The following MGAM variants were observed in gnomAD, a reference collection of about 807,000 sequenced individuals.
MGAM encodes alpha-1,4-glucosidase.
MGAM carries 253 observed loss-of-function variants against 358.8 expected under a neutral mutation model. That is an observed-to-expected ratio of 0.71 (90% CI 0.64 to 0.78). The LOEUF (loss-of-function observed/expected upper bound fraction) is 0.78, where lower values mean the gene tolerates loss of function less well. Among genes scored for constraint, MGAM ranks in the 30% least tolerant of loss-of-function variants. MGAM has a pLI of 0.00. For missense variants in MGAM, 3,080 were observed against 3,432.6 expected (o/e 0.90, Z 2.57); for synonymous variants, 1,105 against 1,227.1 (o/e 0.90, Z 2.08).
chr7:142,022,381 G>C lies in MGAM; in HGVS notation c.824G>C (p.Arg275Pro), dbSNP rs1272804758. 4 of 1,613,630 alleles carry C rather than the reference G, an allele frequency of 2.5e-6. No homozygotes were observed. The East Asian group carries it at 8.9e-5, about 36-fold the overall frequency. ...GGAGAGCATGTGCACCAGCAGTATCGGCATGATATGAATTGGAAGACCTGG... is the reference window on the plus strand; with the variant it reads ...GGAGAGCATGTGCACCAGCAGTATCCGCATGATATGAATTGGAAGACCTGG... Reference protein sequence around the residue: ...GLGEHVHQQYRHDMNWKTWPI... With the variant: ...GLGEHVHQQYPHDMNWKTWPI... The change falls in exon 7 of 71, where the codon CGG becomes CCG. Residue 275 changes from arginine (R) to proline (P), a missense_variant. Arg to Pro is a moderately radical substitution (Grantham distance 103). Transcript: ENST00000475668.
At position 142,037,124 on chromosome 7, in the gene MGAM, C is replaced by A. The variant is rs1808063762; in HGVS notation, c.2231+147C>A. Reference sequence around the variant, plus strand: ...TATCTGTAATCTAGCTATCTATATTCATTAATCTATCTATCTATCTATCTA... The same window carrying A: ...TATCTGTAATCTAGCTATCTATATTAATTAATCTATCTATCTATCTATCTA... On this transcript the variant is annotated intron_variant, in intron 18 of 70. Coordinates refer to ENST00000475668, the MANE Select transcript of MGAM (RefSeq NM_001365693.1). 70 of 840,084 alleles carry A rather than the reference C, an allele frequency of 8.3e-5. 3 individuals carry two copies. In the South Asian group the frequency reaches 1.2e-3, roughly 15 times the overall value. The allele number at this position is 840,084 out of a possible 1,614,324, so 52.0% of individuals were successfully genotyped here.
In MGAM at chr7:142,044,418, T is replaced by C. The variant is rs186318386; in HGVS notation, c.2499-3367T>C. Among the ~76,000 whole-genome samples the C allele has an allele frequency of 5.6e-3, 775 of 138,674 alleles. 46 individuals carry two copies. The highest frequency in any genetic ancestry group is 0.019 in the African/African-American group (725 of 38,526). 91.0% of individuals were successfully genotyped at this position (138,674 alleles called of 152,430 possible). A position where few individuals can be genotyped will look rare whatever the true frequency, so the allele number is the denominator to read the frequency against. On this transcript the variant is annotated intron_variant, in intron 21 of 70. Transcript: ENST00000475668. The stretch of plus-strand genomic sequence containing the variant: ...ACGATATATGATATATAATGAATAT[T>C]ATATACACATACGATATATATAATG...
At chr7:142,016,352 T>G (rs1805971023) in intron 3 of MGAM, among the ~76,000 whole-genome samples, 1 of 152,256 alleles carries the variant, frequency 6.6e-6, no homozygotes, top group Admixed American at 6.5e-5. Flanking sequence ...CCATCCTTTA[T>G]GTACATTATC....
intron 1 of MGAM, among the ~76,000 whole-genome samples, chr7:142,000,429 A>C (rs1464999847): frequency 6.6e-6 from 1 of 152,168 alleles, no homozygotes; most frequent in Non-Finnish European, 1.5e-5. Context: ...GCAAGGAGGA[A>C]GCTGTAATGC....
At chr7:141,995,845 TGG>T (rs1186375469), upstream of MGAM, 1 of 152,232 alleles carries the variant, frequency 6.6e-6, no homozygotes, top group Admixed American at 6.5e-5. Flanking sequence ...ACCAGATCTT[TGG>T]TTGCTTTGGT....
Position 142,093,561 on chromosome 7 carries a change from G to A in MGAM, c.7172+11G>A, listed in dbSNP as rs748814680. 6.7e-7 allele frequency: 1 copy of A among 1,495,776 alleles called. No individual in the cohort carries two copies. Among genetic ancestry groups the A allele is most frequent in the African/African-American group, 1.4e-5 (1 of 72,922 alleles). The allele number at this position is 1,495,776 out of a possible 1,614,324, so 92.7% of individuals were successfully genotyped here. On this transcript the variant is annotated intron_variant, in intron 60 of 70. Coordinates refer to ENST00000475668, the MANE Select transcript of MGAM (RefSeq NM_001365693.1). The stretch of plus-strand genomic sequence containing the variant: ...CAGACCCACATACGAGTGAGTCTCT[G>A]TCTCCCTTCTCCAGCTGTCACAACC...
intron 1 of MGAM, among the ~76,000 whole-genome samples, chr7:142,003,608 T>C (rs1157221528): frequency 2.0e-5 from 3 of 151,710 alleles, no homozygotes; most frequent in African/African-American, 7.3e-5. Flanking sequence ...AGAAGAAAAA[T>C]CTAGGAAACA....
chr7:142,003,604 A>C (rs1406050459), intron 1 of MGAM, among the ~76,000 whole-genome samples: 13 of 152,088 alleles, frequency 8.5e-5, no homozygotes, highest in Non-Finnish European at 1.5e-5. Context: ...TACTAGAAGA[A>C]AAATCTAGGA....
At chr7:142,102,762 C>G (rs1816548829) in intron 69 of MGAM, 83 bp downstream of exon 69, 2 of 1,293,430 alleles carry the variant, frequency 1.5e-6, no homozygotes, top group East Asian at 2.4e-5. Context: ...AAAATACCAC[C>G]TAGAATTTCT....
At chr7:142,069,401 C>A (rs969761477) in intron 43 of MGAM, among the ~76,000 whole-genome samples, 4 of 145,694 alleles carry the variant, frequency 2.7e-5, no homozygotes, top group Non-Finnish European at 4.7e-5. Flanking sequence ...GGGACCCTGA[C>A]AAATCAGACC....
intron 1 of MGAM, among the ~76,000 whole-genome samples, chr7:142,001,588 A>G (rs1289426944): frequency 6.6e-6 from 1 of 152,226 alleles, no homozygotes; most frequent in African/African-American, 2.4e-5. Flanking sequence ...TAGGCCTTGT[A>G]TAGGCAAGAC....
At position 142,074,171 on chromosome 7, in the gene MGAM, AG is replaced by A; in HGVS notation, c.5275+1del. 1 of 1,524,370 alleles carries A rather than the reference AG, an allele frequency of 6.6e-7. No homozygotes were observed. The highest frequency in any genetic ancestry group is 9.0e-7 in the Non-Finnish European group (1 of 1,111,448). The allele number at this position is 1,524,370 out of a possible 1,614,324, so 94.4% of individuals were successfully genotyped here. A position where few individuals can be genotyped will look rare whatever the true frequency, so the allele number is the denominator to read the frequency against. On this transcript the variant is annotated frameshift_variant and splice_region_variant, in exon 45 of 71. Transcript: ENST00000475668. LOFTEE classifies it high-confidence loss of function. ...CTTTTCTGGGATGATGGGCAAACAA[AG>A]GGTGAGCGCTGTTACAATAATGTTG... ...GELFWDDGQT[K>X]DTVAKKVYLL...
intron 70 of MGAM, among the ~76,000 whole-genome samples, chr7:142,104,582 T>C (rs1816695614): frequency 6.6e-6 from 1 of 152,234 alleles, no homozygotes; most frequent in Admixed American, 6.5e-5. Context: ...ATCCTAGTGC[T>C]TTCTTGATCT....
In MGAM at chr7:142,042,032, T is replaced by A. The variant is rs1258045331; in HGVS notation, c.2498+1186T>A. ...ATAATATAATATATATATATTATAT[T>A]ATATACATATAATATATAATATATA... On this transcript the variant is annotated intron_variant, in intron 21 of 70. Transcript: ENST00000475668. Among the ~76,000 whole-genome samples the A allele has an allele frequency of 5.7e-3, 49 of 8,670 alleles. 7 individuals carry two copies. Among genetic ancestry groups the A allele is most frequent in the African/African-American group, 0.041 (49 of 1,194 alleles). The allele number at this position is 8,670 out of a possible 152,430, so 5.7% of individuals were successfully genotyped here. A position where few individuals can be genotyped will look rare whatever the true frequency, so the allele number is the denominator to read the frequency against.
chr7:142,054,991 T>C, intron 27 of MGAM, 83 bp downstream of exon 27: 2 of 1,405,946 alleles, frequency 1.4e-6, no homozygotes, highest in Non-Finnish European at 2.0e-6. Context: ...TGTATCCTGG[T>C]TCAAAACATC....
chr7:141,995,406 C>A (rs1256575571), upstream of MGAM, among the ~76,000 whole-genome samples: 1 of 152,138 alleles, frequency 6.6e-6, no homozygotes, highest in Non-Finnish European at 1.5e-5. Flanking sequence ...AGCTTAAGGA[C>A]ACCTTAAAGA....
chr7:142,012,376 C>T (rs2128988448), intron 3 of MGAM, among the ~76,000 whole-genome samples: 1 of 152,156 alleles, frequency 6.6e-6, no homozygotes, highest in African/African-American at 2.4e-5. Flanking sequence ...AAGAGACAGC[C>T]CACTGTCTCC....
At chr7:142,087,075 T>G (rs1256288628) in intron 57 of MGAM, among the ~76,000 whole-genome samples, 2 of 105,200 alleles carry the variant, frequency 1.9e-5, no homozygotes, top group Admixed American at 1.7e-4. Flanking sequence ...TTCTCTGAAC[T>G]GGTATACTTA....
chr7:142,019,489 A>T (rs1025086258), intron 4 of MGAM, among the ~76,000 whole-genome samples, 170 bp downstream of exon 4: 2 of 152,182 alleles, frequency 1.3e-5, no homozygotes, highest in Non-Finnish European at 2.9e-5. Context: ...GCACCAAGGA[A>T]AAATTATTCT....
Sources: allele counts gnomAD v4.1 joint callset (sites outside exome capture counted in the v4.1 genomes callset), GRCh38; gene constraint gnomAD v4.1.1; transcripts MANE v1.5; gene names NCBI Gene and HGNC (gene_info 2026-07-23, HGNC 2026-07-21).